Variants in PPP3CA observed in about 807,000 individuals in gnomAD.
PPP3CA encodes the protein CAM-PRP catalytic subunit.
A neutral mutation model predicts 66.5 loss-of-function variants in PPP3CA; 14 were observed. That is an observed-to-expected ratio of 0.21 (90% CI 0.14 to 0.33). The LOEUF is 0.33. Ranked by LOEUF, PPP3CA falls within the 10% of genes least tolerant of loss-of-function variation. PPP3CA has a pLI of 1.00. For synonymous variants in PPP3CA, 232 were observed against 226.2 expected, an observed-to-expected ratio of 1.03 and a Z score of -0.23; for missense variants, 317 against 639.5, an observed-to-expected ratio of 0.50 and a Z score of 5.44.
At chr4:101,033,293 AACACAC>A (rs70961772) in intron 11 of PPP3CA, among the ~76,000 whole-genome samples, 45,128 of 139,060 alleles carry the variant, frequency 0.32, 8,914 homozygotes, top group Non-Finnish European at 0.47. Flanking sequence ...CACACACACA[AACACAC>A]ACACACACAC....
At chr4:101,048,085 G>C (rs1727847219) in intron 10 of PPP3CA, among the ~76,000 whole-genome samples, 1 of 152,026 alleles carries the variant, frequency 6.6e-6, no homozygotes, top group Non-Finnish European at 1.5e-5. Flanking sequence ...GTGTGCCCCA[G>C]AGGTTTTTAT....
chr4:101,327,201 T>TA (rs1729234438), intron 1 of PPP3CA, among the ~76,000 whole-genome samples: 2 of 152,208 alleles, frequency 1.3e-5, no homozygotes, highest in African/African-American at 4.8e-5. Context: ...TTTTTAAGAA[T>TA]ATGGAGAACA....
At chr4:101,106,850 C>CA (rs546744481) in intron 3 of PPP3CA, among the ~76,000 whole-genome samples, 9 of 152,202 alleles carry the variant, frequency 5.9e-5, no homozygotes, top group Non-Finnish European at 8.8e-5. Context: ...AGCAAGAAAG[C>CA]AGATGGAGCC....
At chr4:101,319,214 GT>G (rs1253959985) in intron 1 of PPP3CA, among the ~76,000 whole-genome samples, 1 of 148,826 alleles carries the variant, frequency 6.7e-6, no homozygotes, top group East Asian at 2.0e-4. Flanking sequence ...AGAACAGAGA[GT>G]TTATTCATTC....
intron 1 of PPP3CA, among the ~76,000 whole-genome samples, chr4:101,314,569 C>CAAAAACAA (rs1728828566): frequency 1.3e-5 from 1 of 75,252 alleles, no homozygotes; most frequent in Admixed American, 1.7e-4. Flanking sequence ...ATCTCAAAAC[C>CAAAAACAA]AAAAAAAAAA....
At chr4:101,056,246 T>C (rs368296058) in intron 10 of PPP3CA, among the ~76,000 whole-genome samples, 35 of 152,298 alleles carry the variant, frequency 2.3e-4, no homozygotes, top group African/African-American at 8.4e-4. Flanking sequence ...TGAAAGATAA[T>C]ACATAAATTG....
In PPP3CA at chr4:101,282,656, T is replaced by TG. The variant is rs541932709; in HGVS notation, c.58+64082dup. 5.1e-3 allele frequency among the ~76,000 whole-genome samples: 784 copies of TG among 152,306 alleles called. 16 individuals are homozygous for TG. The highest frequency in any genetic ancestry group is 0.018 in the African/African-American group (758 of 41,558). ...CTATTGTCAATAGATGTCCAAAGACTGGGGTAGAATTAATTTAACATAATG... is the reference window on the plus strand; with the variant it reads ...CTATTGTCAATAGATGTCCAAAGACTGGGGGTAGAATTAATTTAACATAATG... On this transcript the variant is annotated intron_variant, in intron 1 of 13. Transcript: ENST00000394854.
chr4:101,291,861 G>A (rs1445301461), intron 1 of PPP3CA, among the ~76,000 whole-genome samples: 3 of 152,100 alleles, frequency 2.0e-5, no homozygotes, highest in Non-Finnish European at 2.9e-5. Flanking sequence ...AGTCACAGTG[G>A]CTCACACCTG....
At chr4:101,066,135 T>C (rs925416562) in intron 8 of PPP3CA, among the ~76,000 whole-genome samples, 2 of 152,152 alleles carry the variant, frequency 1.3e-5, no homozygotes, top group Non-Finnish European at 2.9e-5. Flanking sequence ...AATCTCACTT[T>C]TGGCCTGAGT....
intron 2 of PPP3CA, among the ~76,000 whole-genome samples, chr4:101,165,775 T>C (rs1365609285): frequency 6.6e-6 from 1 of 152,152 alleles, no homozygotes. Context: ...ATTACTGAGA[T>C]ATACTCAAAC....
At chr4:101,059,890 A>C (rs919383427) in intron 10 of PPP3CA, among the ~76,000 whole-genome samples, 1 of 152,122 alleles carries the variant, frequency 6.6e-6, no homozygotes, top group Non-Finnish European at 1.5e-5. Flanking sequence ...AGTATACTTT[A>C]ATCTCCAGAC....
At chr4:101,073,265 T>C (rs1031409215) in intron 8 of PPP3CA, among the ~76,000 whole-genome samples, 1 of 150,962 alleles carries the variant, frequency 6.6e-6, no homozygotes, top group Admixed American at 6.6e-5. Flanking sequence ...ATAGTGTATA[T>C]ACACACTTAC....
chr4:101,102,616 G>A (rs948093296), intron 3 of PPP3CA, among the ~76,000 whole-genome samples: 7 of 151,926 alleles, frequency 4.6e-5, no homozygotes, highest in African/African-American at 9.7e-5. Flanking sequence ...CTGTCTTGCC[G>A]GCAACTATTT....
intron 1 of PPP3CA, among the ~76,000 whole-genome samples, chr4:101,204,149 G>A (rs1445587955): frequency 6.6e-6 from 1 of 151,848 alleles, no homozygotes; most frequent in African/African-American, 2.4e-5. Context: ...GGGACCACAG[G>A]TGCATGCCAC....
chr4:101,196,029 T>C lies in PPP3CA; in HGVS notation c.146A>G (p.His49Arg). 6.2e-7 allele frequency: 1 copy of C among 1,614,044 alleles called. No homozygotes were observed. The highest frequency in any genetic ancestry group is 8.5e-7 in the Non-Finnish European group (1 of 1,179,974). Residue 49 changes from histidine (H) to arginine (R), a missense_variant, in exon 2 of 14, where the codon CAT becomes CGT. By Grantham distance (29) the His-to-Arg change is conservative. Coordinates refer to ENST00000394854, the MANE Select transcript of PPP3CA (RefSeq NM_000944.5). Reference protein sequence around the residue: ...GKPRVDILKAHLMKEGRLEES... With the variant: ...GKPRVDILKARLMKEGRLEES... ...TTCCAGCCTTCCCTCCTTCATAAGA[T>C]GCGCCTTTAAGATATCCACACGAGG... is the stretch of plus-strand genomic sequence containing the variant.
At chr4:101,140,912 G>C (rs74631130) in intron 2 of PPP3CA, among the ~76,000 whole-genome samples, 1 of 152,028 alleles carries the variant, frequency 6.6e-6, no homozygotes, top group African/African-American at 2.4e-5. Context: ...AATTAGTGGG[G>C]ATTTGAGCTT....
At chr4:101,301,803 TTATATAGCACCATATTTTATATATATATA>T (rs957176921) in intron 1 of PPP3CA, among the ~76,000 whole-genome samples, 1 of 148,994 alleles carries the variant, frequency 6.7e-6, no homozygotes, top group Non-Finnish European at 1.5e-5. Context: ...TAAAGCAGTA[TTATATAGCACCATATTTTATATATATATA>T]TATATAATTT....
At position 101,029,379 on chromosome 4, in the gene PPP3CA, A is replaced by C. The variant is rs10019685; in HGVS notation, c.1340-184T>G. Among the ~76,000 whole-genome samples the C allele has an allele frequency of 0.085, 12,540 of 148,020 alleles. 938 individuals carry two copies. The highest frequency in any genetic ancestry group is 0.22 in the African/African-American group (8,613 of 38,798). ...AAAAAAAAAAAAAAAAAAAGAAAAA[A>C]AATGCCACAGAAATTATAAATTTAA... On this transcript the variant is annotated intron_variant, in intron 12 of 13. Transcript: ENST00000394854.
chr4:101,248,220 GGAA>G (rs1726552702), intron 1 of PPP3CA, among the ~76,000 whole-genome samples: 1 of 152,098 alleles, frequency 6.6e-6, no homozygotes, highest in Admixed American at 6.5e-5. Flanking sequence ...TTTAGAATGT[GGAA>G]GAAGTCACCT....
Sources: gnomAD v4.1 joint callset for allele counts (sites outside exome capture counted in the v4.1 genomes callset) on GRCh38, gnomAD v4.1.1 for gene constraint, MANE v1.5 for transcripts, NCBI Gene and HGNC (gene_info 2026-07-23, HGNC 2026-07-21) for gene names.